DOK6: variants seen among roughly 807,000 people sequenced by gnomAD.
DOK6 encodes downstream of tyrosine kinase 6.
Under a neutral mutation model 44.0 loss-of-function variants are expected in DOK6, and 22 were observed. That is an observed-to-expected ratio of 0.50 (90% CI 0.36 to 0.71). The LOEUF (loss-of-function observed/expected upper bound fraction) is 0.71, where lower values mean the gene tolerates loss of function less well. Among genes scored for constraint, DOK6 ranks in the 30% least tolerant of loss-of-function variants. DOK6 has a pLI of 0.00. For synonymous variants in DOK6, 166 were observed against 145.5 expected, an observed-to-expected ratio of 1.14 and a Z score of -1.01; for missense variants, 340 against 416.4, an observed-to-expected ratio of 0.82 and a Z score of 1.60.
At chr18:69,660,857 G>C (rs1419957860) in intron 3 of DOK6, 1 of 152,062 alleles carries the variant, frequency 6.6e-6, no homozygotes, top group Non-Finnish European at 1.5e-5. Context: ...TTTTAGTAGA[G>C]ACGGGGTTTC....
At chr18:69,412,502 T>C (rs930748553) in intron 1 of DOK6, among the ~76,000 whole-genome samples, 3 of 152,142 alleles carry the variant, frequency 2.0e-5, no homozygotes, top group African/African-American at 4.8e-5. Context: ...GCAAGAGAAT[T>C]ATTTGTTTCA....
chr18:69,685,721 A>G (rs1986138785), intron 4 of DOK6, among the ~76,000 whole-genome samples: 1 of 152,182 alleles, frequency 6.6e-6, no homozygotes, highest in Non-Finnish European at 1.5e-5. Flanking sequence ...AAAAAAATCT[A>G]CCATTGATTT....
chr18:69,585,727 T>C (rs73970182), intron 2 of DOK6, among the ~76,000 whole-genome samples: 227 of 152,368 alleles, frequency 1.5e-3, no homozygotes, highest in African/African-American at 5.0e-3. Flanking sequence ...AGCGTCTATG[T>C]AATCTTGCCT....
intron 1 of DOK6, among the ~76,000 whole-genome samples, chr18:69,514,621 T>C (rs1213257178): frequency 6.6e-6 from 1 of 152,106 alleles, no homozygotes; most frequent in Non-Finnish European, 1.5e-5. Flanking sequence ...TATTAATTTA[T>C]ATTGGGAACA....
intron 3 of DOK6, among the ~76,000 whole-genome samples, chr18:69,624,239 C>T (rs1487518783): frequency 7.9e-5 from 12 of 152,120 alleles, no homozygotes; most frequent in Admixed American, 7.2e-4. Context: ...CCATCATCAT[C>T]GTCATTATCA....
intron 3 of DOK6, among the ~76,000 whole-genome samples, chr18:69,601,226 A>G (rs1983863411): frequency 6.6e-6 from 1 of 152,180 alleles, no homozygotes; most frequent in Non-Finnish European, 1.5e-5. Context: ...CCTTGCCCTC[A>G]TAGATCACAG....
chr18:69,598,843 T>C (rs1188273963), intron 2 of DOK6, among the ~76,000 whole-genome samples: 4 of 152,012 alleles, frequency 2.6e-5, no homozygotes, highest in Non-Finnish European at 5.9e-5. Context: ...GTGGGAGAAG[T>C]GGTGTATGGG....
intron 1 of DOK6, among the ~76,000 whole-genome samples, chr18:69,538,726 C>T (rs1024276783): frequency 9.2e-5 from 14 of 152,098 alleles, no homozygotes; most frequent in Admixed American, 4.6e-4. Context: ...CCTTGCTCAC[C>T]AGGATATTTC....
At chr18:69,761,822 G>A (rs930980697) in intron 7 of DOK6, among the ~76,000 whole-genome samples, 8 of 152,124 alleles carry the variant, frequency 5.3e-5, no homozygotes, top group Non-Finnish European at 8.8e-5. Flanking sequence ...TCTGAGTCAT[G>A]TGGACCAAAT....
At position 69,838,690 on chromosome 18, in the gene DOK6, C is replaced by A. The variant is rs1599353714; in HGVS notation, c.857-2554C>A. Among the ~76,000 whole-genome samples, 3 of 152,076 alleles carry A rather than the reference C, an allele frequency of 2.0e-5. No homozygotes were observed. The South Asian group carries it at 6.2e-4, about 31-fold the overall frequency. ...GTTACAAGCTAGGAAGTAGCAGAGG[C>A]AACATATATACCTGGTGTTCTAGCT... On this transcript the variant is annotated intron_variant, in intron 7 of 7. Transcript: ENST00000382713.
chr18:69,637,026 C>T (rs1018863927), intron 3 of DOK6, among the ~76,000 whole-genome samples: 1 of 152,078 alleles, frequency 6.6e-6, no homozygotes, highest in African/African-American at 2.4e-5. Context: ...ATGGCAGCAC[C>T]ATCTCCCCAC....
intron 2 of DOK6, among the ~76,000 whole-genome samples, chr18:69,588,423 A>G (rs1599208328): frequency 6.6e-6 from 1 of 152,082 alleles, no homozygotes; most frequent in Admixed American, 6.6e-5. Flanking sequence ...ATCCTCTTCA[A>G]TCTAGTAGAG....
intron 7 of DOK6, among the ~76,000 whole-genome samples, chr18:69,764,337 AT>A (rs1369941726): frequency 2.0e-5 from 3 of 152,224 alleles, no homozygotes; most frequent in East Asian, 3.9e-4. Context: ...ATGTATGATG[AT>A]ATGGTCTGGC....
chr18:69,692,789 C>A (rs1340052122), intron 4 of DOK6, among the ~76,000 whole-genome samples: 1 of 152,172 alleles, frequency 6.6e-6, no homozygotes, highest in Admixed American at 6.5e-5. Flanking sequence ...AATATGTAAA[C>A]AAATTATCCA....
intron 1 of DOK6, among the ~76,000 whole-genome samples, chr18:69,459,773 T>C (rs891904686): frequency 6.6e-6 from 1 of 152,222 alleles, no homozygotes; most frequent in African/African-American, 2.4e-5. Flanking sequence ...GAAAGCAATA[T>C]ATTGGTTACT....
chr18:69,550,777 C>CCA (rs1982543037), intron 1 of DOK6, among the ~76,000 whole-genome samples: 1 of 121,434 alleles, frequency 8.2e-6, no homozygotes, highest in African/African-American at 3.0e-5. Context: ...TTGTTTCTTT[C>CCA]TTTTTTTTTT....
chr18:69,508,119 G>A (rs1981247898), intron 1 of DOK6, among the ~76,000 whole-genome samples: 1 of 151,992 alleles, frequency 6.6e-6, no homozygotes, highest in African/African-American at 2.4e-5. Flanking sequence ...AAGATTAGTT[G>A]TGGGTTTTCC....
chr18:69,617,214 G>C (rs28545363), intron 3 of DOK6, among the ~76,000 whole-genome samples: 22,739 of 152,064 alleles, frequency 0.15, 1,896 homozygotes, highest in East Asian at 0.39. Context: ...CAACACTTTA[G>C]GAGGTCAAGG....
At chr18:69,606,514 G>A (rs1252421997) in intron 3 of DOK6, among the ~76,000 whole-genome samples, 1 of 151,750 alleles carries the variant, frequency 6.6e-6, no homozygotes, top group African/African-American at 2.4e-5. Flanking sequence ...GTTCACCCTT[G>A]CCACTTCTAT....
Sources: allele counts gnomAD v4.1 joint callset (sites outside exome capture counted in the v4.1 genomes callset), GRCh38; gene constraint gnomAD v4.1.1; transcripts MANE v1.5; gene names NCBI Gene and HGNC (gene_info 2026-07-23, HGNC 2026-07-21).